SMAP1: variants seen among roughly 807,000 people sequenced by gnomAD.
SMAP1 encodes stromal membrane-associated protein 1.
Under a neutral mutation model 58.5 loss-of-function variants are expected in SMAP1, and 24 were observed. The ratio of observed to expected loss-of-function variants is 0.41; its 90% CI spans 0.30 to 0.58. The LOEUF is 0.58. Ranked by LOEUF, SMAP1 falls within the 20% of genes least tolerant of loss-of-function variation. SMAP1 has a pLI of 0.29. For missense variants in SMAP1, 563 were observed against 566.3 expected (o/e 0.99, Z 0.06); for synonymous variants, 216 against 196.6 (o/e 1.10, Z -0.82).
chr6:70,770,221 T>C (rs1427617869), intron 3 of SMAP1, among the ~76,000 whole-genome samples: 2 of 151,742 alleles, frequency 1.3e-5, no homozygotes, highest in Non-Finnish European at 2.9e-5. Flanking sequence ...CTGACAATTA[T>C]GTGTCTTGGA....
chr6:70,859,024 C>G (rs552313603), intron 10 of SMAP1: 2 of 208,346 alleles, frequency 9.6e-6, no homozygotes, highest in South Asian at 2.3e-4. Context: ...TTTTACACTT[C>G]CCATTGATGT....
intron 6 of SMAP1, among the ~76,000 whole-genome samples, chr6:70,804,730 G>A (rs1295599279): frequency 2.0e-5 from 3 of 152,094 alleles, no homozygotes; most frequent in African/African-American, 7.2e-5. Context: ...TGTCTGTAAA[G>A]TATTTTATTT....
At chr6:70,783,845 C>T (rs1017636706) in intron 4 of SMAP1, among the ~76,000 whole-genome samples, 62 of 152,202 alleles carry the variant, frequency 4.1e-4, no homozygotes, top group East Asian at 7.7e-4. Flanking sequence ...CTGAAAGTGA[C>T]GGGGAGAATG....
intron 2 of SMAP1, among the ~76,000 whole-genome samples, chr6:70,746,079 C>T (rs200558369): frequency 2.0e-5 from 3 of 152,260 alleles, no homozygotes; most frequent in South Asian, 2.1e-4. Flanking sequence ...TGGGCTGAGA[C>T]GATGGGGTTT....
chr6:70,856,814 C>A (rs1283019552), intron 8 of SMAP1, 45 bp from the exon 9 acceptor site: 3 of 1,531,858 alleles, frequency 2.0e-6, no homozygotes, highest in Non-Finnish European at 2.6e-6. Flanking sequence ...ATAAGCTGCG[C>A]TTTACTATGC....
At position 70,725,105 on chromosome 6, in the gene SMAP1, T is replaced by G. The variant is rs1213486867; in HGVS notation, c.119-7273T>G. On this transcript the variant is annotated intron_variant, in intron 1 of 10. Coordinates refer to ENST00000370455, the MANE Select transcript of SMAP1 (RefSeq NM_001044305.3). ...TAAATTAACCAGTGTTTTTTTTTTT[T>G]TTTTTTTTTTTTTTTTTTTTTTTTT... Among the ~76,000 whole-genome samples, 6 of 89,754 alleles carry G rather than the reference T, an allele frequency of 6.7e-5. No individual in the cohort carries two copies. The East Asian group carries it at 8.9e-4, about 13-fold the overall frequency. The allele number at this position is 89,754 out of a possible 152,430, so 58.9% of individuals were successfully genotyped here. A position where few individuals can be genotyped will look rare whatever the true frequency, so the allele number is the denominator to read the frequency against.
chr6:70,707,531 G>A (rs1167675307), intron 1 of SMAP1, among the ~76,000 whole-genome samples: 1 of 151,988 alleles, frequency 6.6e-6, no homozygotes, highest in Non-Finnish European at 1.5e-5. Flanking sequence ...AACTATTTTG[G>A]CATTTAAAAA....
At position 70,860,619 on chromosome 6, in the gene SMAP1, C is replaced by A; in HGVS notation, c.*285C>A. The A allele has an allele frequency of 2.3e-6, 1 of 432,330 alleles. No homozygotes were observed. Among genetic ancestry groups the A allele is most frequent in the South Asian group, 7.7e-5 (1 of 12,988 alleles). The allele number at this position is 432,330 out of a possible 1,614,324, so 26.8% of individuals were successfully genotyped here. A position where few individuals can be genotyped will look rare whatever the true frequency, so the allele number is the denominator to read the frequency against. On this transcript the variant is annotated 3_prime_UTR_variant, in exon 11 of 11. Coordinates refer to ENST00000370455, the MANE Select transcript of SMAP1 (RefSeq NM_001044305.3). ...CAACTTGCAAAATCAGTTTTCCTCT[C>A]AATAAAATTATAGCTCTAATGTTTG...
intron 1 of SMAP1, among the ~76,000 whole-genome samples, chr6:70,692,703 C>G (rs1225084288): frequency 6.6e-6 from 1 of 152,106 alleles, no homozygotes; most frequent in African/African-American, 2.4e-5. Flanking sequence ...GTTCTGGGCC[C>G]CTTTGTCAAA....
intron 1 of SMAP1, among the ~76,000 whole-genome samples, chr6:70,674,727 A>G (rs1436592539): frequency 1.3e-5 from 2 of 152,164 alleles, no homozygotes; most frequent in Non-Finnish European, 2.9e-5. Flanking sequence ...TAATTTCAGC[A>G]CTTTGGGAGG....
chr6:70,858,254 T>G, intron 10 of SMAP1, 25 bp downstream of exon 10: 1 of 1,492,172 alleles, frequency 6.7e-7, no homozygotes, highest in Non-Finnish European at 9.1e-7. Context: ...CTTTCTAGCT[T>G]CTCCCAAATC....
At chr6:70,809,258 G>T (rs1051137541) in intron 6 of SMAP1, among the ~76,000 whole-genome samples, 2 of 152,026 alleles carry the variant, frequency 1.3e-5, no homozygotes, top group African/African-American at 4.8e-5. Context: ...GCAAGTATTT[G>T]GGTATTTAAG....
intron 1 of SMAP1, among the ~76,000 whole-genome samples, chr6:70,675,728 A>T (rs377247854): frequency 6.6e-6 from 1 of 151,244 alleles, no homozygotes; most frequent in African/African-American, 2.4e-5. Context: ...TTAGCAGGGG[A>T]TAGGTAGATA....
At chr6:70,774,323 A>C (rs1767458377) in intron 4 of SMAP1, among the ~76,000 whole-genome samples, 1 of 152,174 alleles carries the variant, frequency 6.6e-6, no homozygotes. Context: ...TTATATTCTA[A>C]GGCTAATTGC....
At chr6:70,829,931 T>G (rs746158408) in intron 6 of SMAP1, among the ~76,000 whole-genome samples, 4 of 152,114 alleles carry the variant, frequency 2.6e-5, no homozygotes, top group African/African-American at 9.7e-5. Context: ...AATGTAGGAG[T>G]TGGGACCTAA....
At chr6:70,804,592 C>T (rs1020420387) in intron 6 of SMAP1, among the ~76,000 whole-genome samples, 4 of 152,130 alleles carry the variant, frequency 2.6e-5, no homozygotes, top group African/African-American at 4.8e-5. Flanking sequence ...TTCATAGCAT[C>T]GATGGTCTTT....
intron 6 of SMAP1, among the ~76,000 whole-genome samples, chr6:70,836,380 T>G (rs1162426344): frequency 6.6e-6 from 1 of 152,096 alleles, no homozygotes; most frequent in Non-Finnish European, 1.5e-5. Context: ...CGTGATTTAA[T>G]TACCTCCCAC....
chr6:70,770,389 T>C (rs1384071981), intron 3 of SMAP1, among the ~76,000 whole-genome samples: 1 of 152,254 alleles, frequency 6.6e-6, no homozygotes, highest in African/African-American at 2.4e-5. Context: ...GGTAGATCAA[T>C]CAGACATAGA....
intron 1 of SMAP1, among the ~76,000 whole-genome samples, chr6:70,691,183 TTC>T (rs910214048): frequency 6.6e-6 from 1 of 152,206 alleles, no homozygotes; most frequent in African/African-American, 2.4e-5. Context: ...AGTTTGTATT[TTC>T]TCTCTTTCTT....
Sources: allele counts gnomAD v4.1 joint callset (sites outside exome capture counted in the v4.1 genomes callset), GRCh38; gene constraint gnomAD v4.1.1; transcripts MANE v1.5; gene names NCBI Gene and HGNC (gene_info 2026-07-23, HGNC 2026-07-21).